GPHN: variants seen among roughly 807,000 people sequenced by gnomAD.
GPHN encodes gephyrin.
Under a neutral mutation model 95.5 loss-of-function variants are expected in GPHN, and 17 were observed. The ratio of observed to expected loss-of-function variants is 0.18; its 90% CI spans 0.12 to 0.27. GPHN has a LOEUF of 0.27. Ranked by LOEUF, GPHN falls within the 10% of genes least tolerant of loss-of-function variation. The pLI is 1.00. For missense variants in GPHN, 660 were observed against 978.1 expected (o/e 0.67, Z 4.34); for synonymous variants, 320 against 322.5 (o/e 0.99, Z 0.08).
chr14:67,180,901 C>T lies in GPHN; in HGVS notation c.2274C>T (p.Gly758=). Residue 758 remains glycine, a synonymous_variant, in exon 23 of 23, where the codon GGC becomes GGT. Transcript: ENST00000478722. ...AACAGTACGTGGAGCTCCACAAAGGCGAGGTGGTGGATGTCATGGTCATTG... is the reference window on the plus strand; with the variant it reads ...AACAGTACGTGGAGCTCCACAAAGGTGAGGTGGTGGATGTCATGGTCATTG... ...KTEQYVELHK[G]EVVDVMVIGR... 6.2e-7 allele frequency: 1 copy of T among 1,613,888 alleles called. No individual in the cohort carries two copies. The highest frequency in any genetic ancestry group is 8.5e-7 in the Non-Finnish European group (1 of 1,179,910).
chr14:67,238,750 C>T, the GPHN span, among the ~76,000 whole-genome samples: 2 of 151,902 alleles, frequency 1.3e-5, no homozygotes, highest in Non-Finnish European at 2.9e-5. Flanking sequence ...CTTAGATGAT[C>T]CTCCTGCCTC....
the GPHN span, among the ~76,000 whole-genome samples, chr14:67,349,589 C>T: frequency 6.6e-6 from 1 of 152,218 alleles, no homozygotes; most frequent in Admixed American, 6.5e-5. Context: ...AATCCTGGCA[C>T]TTTGGGAGGC....
the GPHN span, among the ~76,000 whole-genome samples, chr14:67,531,048 T>C: frequency 6.6e-6 from 1 of 152,226 alleles, no homozygotes; most frequent in East Asian, 1.9e-4. Context: ...AGGCACATGA[T>C]GGCTTTTCTT....
intron 5 of GPHN, among the ~76,000 whole-genome samples, chr14:66,881,825 A>G (rs895510743): frequency 1.3e-5 from 2 of 151,834 alleles, no homozygotes; most frequent in Non-Finnish European, 2.9e-5. Flanking sequence ...TGAGTTGTTC[A>G]TCTTTATCCT....
the GPHN span, chr14:67,577,243 G>C: frequency 9.5e-7 from 1 of 1,047,704 alleles, no homozygotes; most frequent in Non-Finnish European, 1.4e-6. Context: ...CGGTGAGTGG[G>C]AGATGAGTCC....
chr14:67,312,151 T>A, the GPHN span: 3 of 153,916 alleles, frequency 1.9e-5, no homozygotes, highest in Non-Finnish European at 2.9e-5. Context: ...AGCTTGTAGC[T>A]GCGAACAGTG....
the GPHN span, among the ~76,000 whole-genome samples, chr14:67,725,526 A>G: frequency 1.3e-3 from 196 of 152,302 alleles, 1 homozygote; most frequent in Non-Finnish European, 2.0e-3. Flanking sequence ...TGTGGCCACA[A>G]TGCCACTCTC....
chr14:66,921,972 T>G (rs1258591168), intron 6 of GPHN, among the ~76,000 whole-genome samples: 1 of 152,054 alleles, frequency 6.6e-6, no homozygotes, highest in African/African-American at 2.4e-5. Flanking sequence ...AGGACACCCT[T>G]TTCAACAAAG....
chr14:67,127,253 T>TAA (rs147026463), intron 17 of GPHN, among the ~76,000 whole-genome samples: 9,213 of 144,842 alleles, frequency 0.064, 309 homozygotes, highest in Non-Finnish European at 0.084. Context: ...TAAAGTATAA[T>TAA]AAAAAAAAAA....
chr14:66,508,679 C>G (rs1265929257), intron 1 of GPHN, 88 bp downstream of exon 1: 26 of 1,180,106 alleles, frequency 2.2e-5, no homozygotes, highest in Non-Finnish European at 3.3e-5. Flanking sequence ...TTCTCTGCGG[C>G]CTCGGGAGGA....
chr14:67,338,434 A>G, the GPHN span: 1 of 617,042 alleles, frequency 1.6e-6, no homozygotes, highest in South Asian at 2.6e-5. Context: ...GATCTCTTTC[A>G]TCCATGATAA....
At chr14:66,864,182 G>C (rs2063141273) in intron 4 of GPHN, among the ~76,000 whole-genome samples, 1 of 152,134 alleles carries the variant, frequency 6.6e-6, no homozygotes, top group South Asian at 2.1e-4. Context: ...CTCAAAAGAA[G>C]ATGTACAAAT....
the GPHN span, among the ~76,000 whole-genome samples, chr14:67,698,972 C>T: frequency 6.6e-6 from 1 of 152,084 alleles, no homozygotes; most frequent in African/African-American, 2.4e-5. Flanking sequence ...ATAAAAGGGC[C>T]AGGCATGTTG....
intron 1 of GPHN, among the ~76,000 whole-genome samples, chr14:66,566,652 A>T (rs539955626): frequency 1.1e-4 from 16 of 152,262 alleles, no homozygotes; most frequent in African/African-American, 3.6e-4. Context: ...TAGCACTGGG[A>T]GGTAATTACT....
the GPHN span, among the ~76,000 whole-genome samples, chr14:67,508,753 C>CAAAAAAAAAAAAAAAAAAAAAAAA: frequency 1.2e-3 from 55 of 46,618 alleles, 2 homozygotes; most frequent in Non-Finnish European, 1.7e-3. Flanking sequence ...AACCTTGTCT[C>CAAAAAAAAAAAAAAAAAAAAAAAA]AAAAAAAAAA....
chr14:67,249,759 A>G, the GPHN span, among the ~76,000 whole-genome samples: 1 of 152,236 alleles, frequency 6.6e-6, no homozygotes, highest in Non-Finnish European at 1.5e-5. Flanking sequence ...ATTGTCACAG[A>G]AAAGGTTTGA....
chr14:66,860,695 G>A (rs1001114193), intron 4 of GPHN, among the ~76,000 whole-genome samples: 6 of 151,826 alleles, frequency 4.0e-5, no homozygotes, highest in South Asian at 4.2e-4. Flanking sequence ...TTTTCAAGAC[G>A]TAATAAGACA....
intron 6 of GPHN, among the ~76,000 whole-genome samples, chr14:66,916,593 G>A (rs1260208098): frequency 1.4e-5 from 2 of 147,602 alleles, no homozygotes; most frequent in Non-Finnish European, 1.5e-5. Flanking sequence ...CCCAGAGATT[G>A]GATTGATAGC....
the GPHN span, among the ~76,000 whole-genome samples, chr14:67,257,876 C>G: frequency 1.1e-3 from 162 of 152,108 alleles, no homozygotes; most frequent in African/African-American, 3.7e-3. Context: ...ACTATACGTA[C>G]AACACATATG....
Sources: allele counts gnomAD v4.1 joint callset (sites outside exome capture counted in the v4.1 genomes callset), GRCh38; gene constraint gnomAD v4.1.1; transcripts MANE v1.5; gene names NCBI Gene and HGNC (gene_info 2026-07-23, HGNC 2026-07-21).